Variants in COL27A1 observed in about 807,000 individuals in gnomAD.
COL27A1 encodes the protein collagen type XXVII alpha 1 chain.
COL27A1 carries 106 observed loss-of-function variants against 251.3 expected under a neutral mutation model. The ratio of observed to expected loss-of-function variants is 0.42; its 90% CI spans 0.36 to 0.50. The LOEUF is 0.50. COL27A1 is among the 20% of genes least tolerant of loss of function. The probability of loss-of-function intolerance (pLI) is 0.00; values close to 1 mark genes in which losing one functional copy is unlikely to be tolerated. For synonymous variants in COL27A1, 1,000 were observed against 986.3 expected (o/e 1.01, Z -0.26); for missense variants, 2,325 against 2,522.8 (o/e 0.92, Z 1.68).
Position 114,300,992 on chromosome 9 carries a change from G to T in COL27A1, c.4702-80G>T, listed in dbSNP as rs892874331. On this transcript the variant is annotated intron_variant, in intron 51 of 60. Coordinates refer to ENST00000356083, the MANE Select transcript of COL27A1 (RefSeq NM_032888.4). ...TCCCTTCTACTCCCTTGCGACGCTC[G>T]GGCTGCCCTCCACCCCGCTCCCCGT... The T allele has an allele frequency of 4.3e-6, 6 of 1,400,102 alleles. No homozygotes were observed. In the African/African-American group the frequency reaches 8.6e-5, roughly 20 times the overall value. The allele number at this position is 1,400,102 out of a possible 1,614,324, so 86.7% of individuals were successfully genotyped here.
chr9:114,154,514 G>A (rs1848018152), upstream of COL27A1, among the ~76,000 whole-genome samples: 2 of 152,052 alleles, frequency 1.3e-5, no homozygotes, highest in South Asian at 4.2e-4. This position sits in a 1 kb window ranked among gnomAD's most constrained non-coding sequence, Gnocchi z 5.8. Flanking sequence ...CACTCTCGGA[G>A]AACTGTGTGC....
intron 55 of COL27A1, 79 bp downstream of exon 55, chr9:114,301,796 T>C: frequency 1.4e-6 from 2 of 1,403,312 alleles, no homozygotes; most frequent in Non-Finnish European, 2.0e-6. Flanking sequence ...ACCGGCAGAC[T>C]AAGCCTTGAC....
At chr9:114,237,243 G>A (rs1417667332) in intron 18 of COL27A1, among the ~76,000 whole-genome samples, 1 of 152,214 alleles carries the variant, frequency 6.6e-6, no homozygotes, top group Non-Finnish European at 1.5e-5. Context: ...TCAGAGGCAG[G>A]CCTCATTTGC....
chr9:114,306,840 C>G (rs1829087089), intron 58 of COL27A1, 152 bp downstream of exon 58: 1 of 825,512 alleles, frequency 1.2e-6, no homozygotes, highest in Non-Finnish European at 1.9e-6. Context: ...GTCACAGAGC[C>G]TCACAATATA....
intron 4 of COL27A1, among the ~76,000 whole-genome samples, chr9:114,179,384 C>T (rs1478679696): frequency 6.6e-6 from 1 of 152,170 alleles, no homozygotes; most frequent in Non-Finnish European, 1.5e-5. Context: ...GCCCATGGGA[C>T]CTTGCAGCCT....
At chr9:114,295,372 T>G (rs1389772230) in intron 49 of COL27A1, among the ~76,000 whole-genome samples, 6 of 152,268 alleles carry the variant, frequency 3.9e-5, no homozygotes, top group Non-Finnish European at 8.8e-5. Context: ...TTCAAATTGG[T>G]GTATTGATTC....
At chr9:114,187,466 C>T (rs770791576) in intron 5 of COL27A1, among the ~76,000 whole-genome samples, 10 of 152,246 alleles carry the variant, frequency 6.6e-5, no homozygotes, top group Non-Finnish European at 1.2e-4. Context: ...TATTATTACC[C>T]CCATTTTACA....
At position 114,236,977 on chromosome 9, in the gene COL27A1, C is replaced by T. The variant is rs1588727955; in HGVS notation, c.2620-4C>T. On this transcript the variant is annotated splice_region_variant and splice_polypyrimidine_tract_variant and intron_variant, in intron 17 of 60. Coordinates refer to ENST00000356083, the MANE Select transcript of COL27A1 (RefSeq NM_032888.4). ...AACCCCAGCCTGCTCTGGATCTCTTCCAGGGGAGCCAGGGGTTGCCAGGGT... is the reference window on the plus strand; with the variant it reads ...AACCCCAGCCTGCTCTGGATCTCTTTCAGGGGAGCCAGGGGTTGCCAGGGT... 6.2e-7 allele frequency: 1 copy of T among 1,613,302 alleles called. No individual in the cohort carries two copies. The highest frequency in any genetic ancestry group is 8.5e-7 in the Non-Finnish European group (1 of 1,179,666).
intron 7 of COL27A1, among the ~76,000 whole-genome samples, chr9:114,204,565 C>T (rs765030345): frequency 4.6e-5 from 7 of 151,958 alleles, no homozygotes; most frequent in Non-Finnish European, 7.4e-5. Context: ...GAGCTGGGGC[C>T]GGTGGGAGAA....
intron 49 of COL27A1, 143 bp downstream of exon 49, chr9:114,292,353 G>T (rs1159776025): frequency 4.3e-6 from 3 of 693,152 alleles, no homozygotes; most frequent in Non-Finnish European, 7.2e-6. Flanking sequence ...CTGTGACAAG[G>T]TATAAAATCT....
chr9:114,194,359 T>A (rs1191158325), intron 5 of COL27A1, 45 bp from the exon 6 acceptor site: 1 of 1,598,792 alleles, frequency 6.3e-7, no homozygotes, highest in East Asian at 2.2e-5. Context: ...GCAGACATCC[T>A]TTCTAGATGA....
chr9:114,202,033 T>C (rs988216602), intron 7 of COL27A1, among the ~76,000 whole-genome samples: 2 of 152,186 alleles, frequency 1.3e-5, no homozygotes, highest in Admixed American at 6.5e-5. Flanking sequence ...AATTTCTGCC[T>C]CCTAGGAGTG....
rs368716530 is a variant in COL27A1, at chr9:114,200,262, C to T, written c.2124+4250C>T. Among the ~76,000 whole-genome samples the T allele has an allele frequency of 9.8e-5, 15 of 152,338 alleles. No homozygotes were observed. In the East Asian group the frequency reaches 2.5e-3, roughly 25 times the overall value. ...CATACCCACTGGCATCCCTCCTATC[C>T]CATCCTGTGTCTCCTGTCCAAGTCC... On this transcript the variant is annotated intron_variant, in intron 7 of 60. Transcript: ENST00000356083.
chr9:114,250,536 G>T, intron 24 of COL27A1, 79 bp from the exon 25 acceptor site: 1 of 1,356,542 alleles, frequency 7.4e-7, no homozygotes, highest in South Asian at 1.2e-5. Context: ...CCTGGGAGAT[G>T]AGCTTCAGGG....
chr9:114,301,485 CT>C, intron 54 of COL27A1, 23 bp downstream of exon 54: 1 of 953,854 alleles, frequency 1.0e-6, no homozygotes, highest in Non-Finnish European at 1.6e-6. Context: ...GGCATGAGGG[CT>C]GTGGGGCGGG....
chr9:114,258,365 C>T (rs956308098), intron 27 of COL27A1, among the ~76,000 whole-genome samples, 176 bp from the exon 28 acceptor site: 1 of 152,176 alleles, frequency 6.6e-6, no homozygotes, highest in African/African-American at 2.4e-5. Flanking sequence ...CTGCTGCTTT[C>T]CCCAGTGAGC....
chr9:114,264,486 C>T (rs923319074), intron 29 of COL27A1, 78 bp downstream of exon 29: 4 of 1,156,040 alleles, frequency 3.5e-6, no homozygotes, highest in Non-Finnish European at 4.8e-6. Context: ...CACAGCTCCT[C>T]AGAACAATGC....
intron 59 of COL27A1, among the ~76,000 whole-genome samples, chr9:114,308,256 G>A (rs1829197134): frequency 6.6e-6 from 1 of 152,224 alleles, no homozygotes; most frequent in African/African-American, 2.4e-5. Context: ...AAGGCAGGTG[G>A]CAGCATGAGA....
intron 1 of COL27A1, among the ~76,000 whole-genome samples, chr9:114,157,269 A>G (rs1488427523): frequency 6.6e-6 from 1 of 152,198 alleles, no homozygotes; most frequent in Non-Finnish European, 1.5e-5. Flanking sequence ...TCGGAGGCCC[A>G]GTCTCTGCCT....
Sources: allele counts gnomAD v4.1 joint callset (sites outside exome capture counted in the v4.1 genomes callset), GRCh38; gene constraint gnomAD v4.1.1; non-coding constraint Gnocchi (gnomAD v3.1); transcripts MANE v1.5; gene names NCBI Gene and HGNC (gene_info 2026-07-23, HGNC 2026-07-21).